The following MAP3K7 variants were observed in gnomAD, a reference collection of about 807,000 sequenced individuals.
The protein encoded by MAP3K7 is mitogen-activated protein kinase kinase kinase 7, also known as TGF-beta activated kinase 1.
MAP3K7 carries 21 observed loss-of-function variants against 84.8 expected under a neutral mutation model. The observed-to-expected ratio is 0.25, with a 90% confidence interval of 0.18 to 0.36. The LOEUF (loss-of-function observed/expected upper bound fraction) is 0.36. Among genes scored for constraint, MAP3K7 ranks in the 10% least tolerant of loss-of-function variants. MAP3K7 has a pLI of 1.00. For synonymous variants in MAP3K7, 241 were observed against 247.7 expected, an observed-to-expected ratio of 0.97 and a Z score of 0.25; for missense variants, 503 against 747.7, an observed-to-expected ratio of 0.67 and a Z score of 3.82.
intron 1 of MAP3K7, among the ~76,000 whole-genome samples, chr6:90,578,465 G>A (rs1777158464): frequency 6.6e-6 from 1 of 152,062 alleles, no homozygotes; most frequent in Admixed American, 6.6e-5. Context: ...AGTAGAGTCG[G>A]GGTTTTGCCA....
At chr6:90,582,426 C>A (rs1425937606) in intron 1 of MAP3K7, among the ~76,000 whole-genome samples, 1 of 152,132 alleles carries the variant, frequency 6.6e-6, no homozygotes, top group Non-Finnish European at 1.5e-5. Flanking sequence ...GAATAAAGCG[C>A]CTTACATTTT....
intron 13 of MAP3K7, among the ~76,000 whole-genome samples, chr6:90,527,463 G>A (rs967236421): frequency 6.6e-6 from 1 of 151,468 alleles, no homozygotes; most frequent in Admixed American, 6.6e-5. Flanking sequence ...ACGGGGTCTC[G>A]CCCGTGTTGT....
At position 90,519,134 on chromosome 6, in the gene MAP3K7, T is replaced by G. The variant is rs113514478; in HGVS notation, c.1524+124A>C. On this transcript the variant is annotated intron_variant, in intron 15 of 16. Transcript: ENST00000369329. ...TATTTTGATTTGATTCTAAAAAGTT[T>G]AAGGAGGCCAACTAAAAGGATAAAT... 4.3e-4 allele frequency: 272 copies of G among 631,286 alleles called. 4 individuals are homozygous for G. Among genetic ancestry groups the G allele is most frequent in the African/African-American group, 3.9e-3 (200 of 51,368 alleles). The allele number at this position is 631,286 out of a possible 1,614,324, so 39.1% of individuals were successfully genotyped here.
At chr6:90,521,797 C>T (rs1219329481) in intron 14 of MAP3K7, among the ~76,000 whole-genome samples, 4 of 151,752 alleles carry the variant, frequency 2.6e-5, no homozygotes, top group East Asian at 1.9e-4. Context: ...TTTTGAATAC[C>T]CATTATATTA....
In MAP3K7 at chr6:90,516,323, T is replaced by C. The variant is rs2131906; in HGVS notation, c.*178A>G. 19,565 of 643,796 alleles carry C rather than the reference T, an allele frequency of 0.03. 397 individuals carry two copies. Among genetic ancestry groups the C allele is most frequent in the Middle Eastern group, 0.052 (122 of 2,330 alleles). 39.9% of individuals were successfully genotyped at this position (643,796 alleles called of 1,614,324 possible). On this transcript the variant is annotated 3_prime_UTR_variant, in exon 17 of 17. Coordinates refer to ENST00000369329, the MANE Select transcript of MAP3K7 (RefSeq NM_145331.3). ...CATGTTATGCAATGAAACAGTAAAA[T>C]TGTATGTCCACCATGAGAAAAGGAA... is the stretch of plus-strand genomic sequence containing the variant.
At chr6:90,560,421 G>A (rs528267429) in intron 4 of MAP3K7, among the ~76,000 whole-genome samples, 2 of 152,232 alleles carry the variant, frequency 1.3e-5, no homozygotes, top group South Asian at 4.1e-4. Flanking sequence ...GAGTGCAGTG[G>A]TGCGATCTTG....
intron 12 of MAP3K7, among the ~76,000 whole-genome samples, chr6:90,538,050 T>C (rs779919256): frequency 1.3e-5 from 2 of 151,886 alleles, no homozygotes; most frequent in Non-Finnish European, 2.9e-5. Context: ...TTTAAGGAAG[T>C]AAGGTAAAGA....
intron 13 of MAP3K7, among the ~76,000 whole-genome samples, chr6:90,533,769 A>G (rs1210990593): frequency 3.3e-5 from 5 of 152,200 alleles, no homozygotes; most frequent in Admixed American, 6.5e-5. Context: ...TCTAGCTGTG[A>G]CAGCCAGCCG....
intron 11 of MAP3K7, among the ~76,000 whole-genome samples, chr6:90,546,008 T>C (rs1466366729): frequency 6.6e-6 from 1 of 152,138 alleles, no homozygotes; most frequent in Non-Finnish European, 1.5e-5. Flanking sequence ...CAGGATAACT[T>C]TGAGAATGGA....
chr6:90,586,299 G>A (rs1225401435), intron 1 of MAP3K7, among the ~76,000 whole-genome samples: 3 of 149,104 alleles, frequency 2.0e-5, no homozygotes, highest in Non-Finnish European at 3.0e-5. Flanking sequence ...GTGAACCCGG[G>A]AAGCGGAGCT....
chr6:90,518,173 A>C (rs548927931), intron 16 of MAP3K7, among the ~76,000 whole-genome samples: 3 of 151,794 alleles, frequency 2.0e-5, no homozygotes, highest in East Asian at 1.9e-4. Flanking sequence ...ATTTACAAGA[A>C]AACAATAAAT....
At chr6:90,556,127 C>T (rs893516547) in intron 6 of MAP3K7, among the ~76,000 whole-genome samples, 1 of 152,208 alleles carries the variant, frequency 6.6e-6, no homozygotes, top group Non-Finnish European at 1.5e-5. Flanking sequence ...CGTTAGATGA[C>T]TCAAAATTTG....
chr6:90,545,293 A>G (rs1018367188), intron 11 of MAP3K7, among the ~76,000 whole-genome samples: 2 of 152,132 alleles, frequency 1.3e-5, no homozygotes, highest in Non-Finnish European at 2.9e-5. Context: ...AAAAATTTAA[A>G]TTGTGTAAAA....
chr6:90,547,425 C>G, intron 10 of MAP3K7, 38 bp from the exon 11 acceptor site: 10 of 1,600,930 alleles, frequency 6.2e-6, no homozygotes, highest in Non-Finnish European at 7.7e-6. Flanking sequence ...TACTGAAGTT[C>G]TTTAGATTTA....
At chr6:90,580,190 A>G (rs1252621520) in intron 1 of MAP3K7, among the ~76,000 whole-genome samples, 3 of 152,208 alleles carry the variant, frequency 2.0e-5, no homozygotes, top group Non-Finnish European at 4.4e-5. Flanking sequence ...ACATTATTAG[A>G]TAAGGAATGA....
intron 1 of MAP3K7, among the ~76,000 whole-genome samples, chr6:90,583,092 A>T (rs1371555636): frequency 3.3e-5 from 5 of 152,104 alleles, no homozygotes; most frequent in South Asian, 4.1e-4. Flanking sequence ...CGTGTTGGCC[A>T]GGGTGGTCTT....
At chr6:90,561,261 A>T (rs1008782533) in intron 4 of MAP3K7, among the ~76,000 whole-genome samples, 13 of 152,074 alleles carry the variant, frequency 8.5e-5, no homozygotes, top group African/African-American at 3.1e-4. Context: ...AAAATAAAGC[A>T]GAGTGAAATC....
At chr6:90,545,746 T>C (rs189846316) in intron 11 of MAP3K7, among the ~76,000 whole-genome samples, 39 of 152,200 alleles carry the variant, frequency 2.6e-4, no homozygotes, top group East Asian at 5.8e-4. Context: ...GTTTTAGCAA[T>C]AGTACTCTGA....
chr6:90,528,848 G>C lies in MAP3K7; in HGVS notation c.1357-5065C>G, dbSNP rs74421677. Among the ~76,000 whole-genome samples the C allele has an allele frequency of 5.5e-3, 836 of 152,270 alleles. 12 individuals are homozygous for C. The highest frequency in any genetic ancestry group is 0.019 in the African/African-American group (792 of 41,560). ...CTTTGAAGAAAAACTGATGAAATAT[G>C]ACTTTCATTTTGGGTACCCACTGAA... On this transcript the variant is annotated intron_variant, in intron 13 of 16. Coordinates refer to ENST00000369329, the MANE Select transcript of MAP3K7 (RefSeq NM_145331.3).
Sources: allele counts gnomAD v4.1 joint callset (sites outside exome capture counted in the v4.1 genomes callset), GRCh38; gene constraint gnomAD v4.1.1; transcripts MANE v1.5; gene names NCBI Gene and HGNC (gene_info 2026-07-23, HGNC 2026-07-21).